The following HSD17B13 variants were observed in gnomAD, a reference collection of about 807,000 sequenced individuals.
The protein encoded by HSD17B13 is 17-beta-hydroxysteroid dehydrogenase 13.
Under a neutral mutation model 31.1 loss-of-function variants are expected in HSD17B13, and 26 were observed. The ratio of observed to expected loss-of-function variants is 0.84; its 90% CI spans 0.61 to 1.16. The LOEUF (loss-of-function observed/expected upper bound fraction) is 1.16. HSD17B13 is among the 50% of genes most tolerant of loss of function. HSD17B13 has a pLI of 0.00. For synonymous variants in HSD17B13, 141 were observed against 133.7 expected (o/e 1.05, Z -0.38); for missense variants, 374 against 366.5 (o/e 1.02, Z -0.17).
rs577892646 is a variant in HSD17B13 at position 87,311,022 on chromosome 4, T to A, written c.696-663A>T. On this transcript the variant is annotated intron_variant, in intron 5 of 6. Coordinates refer to ENST00000328546, the MANE Select transcript of HSD17B13 (RefSeq NM_178135.5). ...AAACCCACCAAAACCAAGATGGTGA[T>A]GAAAGTGACCTCTGGTTGTCCTCAC... is the stretch of plus-strand genomic sequence containing the variant. Among the ~76,000 whole-genome samples, 3 of 146,160 alleles carry A rather than the reference T, an allele frequency of 2.1e-5. No homozygotes were observed. In the South Asian group the frequency reaches 6.5e-4, roughly 31 times the overall value.
intron 6 of HSD17B13, among the ~76,000 whole-genome samples, chr4:87,307,720 C>T (rs566634821): frequency 3.9e-5 from 6 of 152,020 alleles, no homozygotes; most frequent in Non-Finnish European, 5.9e-5. Flanking sequence ...AGGCTGGTCT[C>T]GAATGCCTGA....
rs1019300507 is a variant in HSD17B13, at chr4:87,304,415, C to T, written c.*803G>A. On this transcript the variant is annotated 3_prime_UTR_variant, in exon 7 of 7. Transcript: ENST00000328546. ...TCTTATGTAATAGCCAGTACAGTTCCTTTTCCTGTGTTAGCTTTAATTTTT... is the reference window on the plus strand; with the variant it reads ...TCTTATGTAATAGCCAGTACAGTTCTTTTTCCTGTGTTAGCTTTAATTTTT... 6.6e-6 allele frequency: 1 copy of T among 152,194 alleles called. No homozygotes were observed. The highest frequency in any genetic ancestry group is 1.5e-5 in the Non-Finnish European group (1 of 68,060). 9.4% of individuals were successfully genotyped at this position (152,194 alleles called of 1,614,324 possible). A position where few individuals can be genotyped will look rare whatever the true frequency, so the allele number is the denominator to read the frequency against.
intron 6 of HSD17B13, among the ~76,000 whole-genome samples, chr4:87,309,862 A>G (rs1219694101): frequency 6.6e-6 from 1 of 152,138 alleles, no homozygotes; most frequent in Admixed American, 6.6e-5. Context: ...GATGCTCCAT[A>G]ATAATAGCTC....
intron 2 of HSD17B13, among the ~76,000 whole-genome samples, chr4:87,317,830 G>A (rs1278126845): frequency 1.3e-5 from 2 of 151,104 alleles, no homozygotes; most frequent in East Asian, 3.9e-4. Flanking sequence ...GTTATTGTAG[G>A]GATTGAATTA....
At chr4:87,321,957 A>G (rs1298379538) in intron 1 of HSD17B13, among the ~76,000 whole-genome samples, 1 of 152,188 alleles carries the variant, frequency 6.6e-6, no homozygotes, top group African/African-American at 2.4e-5. Flanking sequence ...ATGATACAAG[A>G]TTTCAGTTCC....
chr4:87,322,586 A>T, intron 1 of HSD17B13, 46 bp downstream of exon 1: 1 of 1,340,888 alleles, frequency 7.5e-7, no homozygotes, highest in South Asian at 1.2e-5. Context: ...CTTAAAATAC[A>T]TATCTTACTC....
intron 1 of HSD17B13, among the ~76,000 whole-genome samples, chr4:87,319,572 A>G (rs1734734009): frequency 6.6e-6 from 1 of 152,246 alleles, no homozygotes; most frequent in Admixed American, 6.5e-5. Context: ...GGTAAACTGT[A>G]TGCCTCTGCC....
At chr4:87,308,547 T>G (rs1223516724) in intron 6 of HSD17B13, among the ~76,000 whole-genome samples, 12 of 125,882 alleles carry the variant, frequency 9.5e-5, no homozygotes, top group South Asian at 2.7e-4. Context: ...TGGGCATGGT[T>G]GCAGGCGCCT....
intron 4 of HSD17B13, 33 bp from the exon 5 acceptor site, chr4:87,313,993 G>A (rs1285418179): frequency 6.8e-7 from 1 of 1,466,180 alleles, no homozygotes; most frequent in Non-Finnish European, 9.1e-7. Flanking sequence ...TGTTAGCTAA[G>A]GGAGAGTGAA....
intron 3 of HSD17B13, among the ~76,000 whole-genome samples, chr4:87,315,996 T>G (rs1200066562): frequency 6.6e-6 from 1 of 152,222 alleles, no homozygotes; most frequent in Non-Finnish European, 1.5e-5. Context: ...TGAAATCTTG[T>G]GTAACTGTAT....
At chr4:87,321,904 A>G (rs73839194) in intron 1 of HSD17B13, among the ~76,000 whole-genome samples, 14,943 of 152,196 alleles carry the variant, frequency 0.098, 2,393 homozygotes, top group African/African-American at 0.34. Context: ...ACTTCTCTGC[A>G]TATATTTTCA....
chr4:87,322,878 T>C lies in HSD17B13; in HGVS notation c.-37A>G. ...GTCCTCTTCCTTCTGGTTCAGTCCT[T>C]GTGTAGTCCTAGGGAGGAGGTACTG... On this transcript the variant is annotated 5_prime_UTR_variant, in exon 1 of 7. Coordinates refer to ENST00000328546, the MANE Select transcript of HSD17B13 (RefSeq NM_178135.5). 4 of 1,560,796 alleles carry C rather than the reference T, an allele frequency of 2.6e-6. No homozygotes were observed. The highest frequency in any genetic ancestry group is 2.2e-5 in the East Asian group (1 of 44,446).
At position 87,312,592 on chromosome 4, in the gene HSD17B13, C is replaced by G. The variant is rs561391745; in HGVS notation, c.695+1231G>C. 3.3e-5 allele frequency among the ~76,000 whole-genome samples: 4 copies of G among 120,724 alleles called. No individual in the cohort carries two copies. The South Asian group carries it at 8.3e-4, about 25-fold the overall frequency. The allele number at this position is 120,724 out of a possible 152,430, so 79.2% of individuals were successfully genotyped here. A position where few individuals can be genotyped will look rare whatever the true frequency, so the allele number is the denominator to read the frequency against. On this transcript the variant is annotated intron_variant, in intron 5 of 6. Transcript: ENST00000328546. ...TCGCCCAGGCTGGAGTGCAGTGGCG[C>G]GATCTCGGCTCACTGCAAGCTCCGC...
At position 87,321,349 on chromosome 4, in the gene HSD17B13, G is replaced by A. The variant is rs190628893; in HGVS notation, c.210+1283C>T. 1.6e-4 allele frequency among the ~76,000 whole-genome samples: 25 copies of A among 152,074 alleles called. No homozygotes were observed. In the East Asian group the frequency reaches 3.1e-3, roughly 19 times the overall value. ...CCCGCCCTTAAGTCATTTTTAATAC[G>A]ACTTCCTTCTAATTTACTTTTCTCT... On this transcript the variant is annotated intron_variant, in intron 1 of 6. Transcript: ENST00000328546.
At position 87,303,865 on chromosome 4, in the gene HSD17B13, T is replaced by G. The variant is rs1457357418; in HGVS notation, c.*1353A>C. ...TTAAAGCACAATGACATATTTATTTTTAGTGAATTGTTTTTGTGACTTTTA... is the reference window on the plus strand; with the variant it reads ...TTAAAGCACAATGACATATTTATTTGTAGTGAATTGTTTTTGTGACTTTTA... On this transcript the variant is annotated 3_prime_UTR_variant, in exon 7 of 7. Coordinates refer to ENST00000328546, the MANE Select transcript of HSD17B13 (RefSeq NM_178135.5). 3.4e-5 allele frequency: 2 copies of G among 58,748 alleles called. No homozygotes were observed. The allele number at this position is 58,748 out of a possible 1,614,324, so 3.6% of individuals were successfully genotyped here. A position where few individuals can be genotyped will look rare whatever the true frequency, so the allele number is the denominator to read the frequency against.
chr4:87,305,335 A>G, intron 6 of HSD17B13, 27 bp from the exon 7 acceptor site: 1 of 1,454,628 alleles, frequency 6.9e-7, no homozygotes, highest in South Asian at 1.3e-5. Context: ...AAAAAATTGA[A>G]AAATTTTCCA....
At chr4:87,322,476 T>C (rs1323320067) in intron 1 of HSD17B13, among the ~76,000 whole-genome samples, 156 bp downstream of exon 1, 1 of 152,152 alleles carries the variant, frequency 6.6e-6, no homozygotes, top group African/African-American at 2.4e-5. Flanking sequence ...ATTCCCTTCA[T>C]CTAACTAACC....
At chr4:87,320,479 C>T (rs935936088) in intron 1 of HSD17B13, among the ~76,000 whole-genome samples, 7 of 151,016 alleles carry the variant, frequency 4.6e-5, no homozygotes, top group African/African-American at 7.3e-5. Flanking sequence ...CTCCGCCTCC[C>T]GGGTTCACAC....
chr4:87,308,485 TAAAAAAAAAAAAAAAAAAAAAAAAAA>T (rs893354684), intron 6 of HSD17B13, among the ~76,000 whole-genome samples: 348 of 33,210 alleles, frequency 0.01, 13 homozygotes, highest in African/African-American at 0.019. Flanking sequence ...CCGTCTCTAC[TAAAAAAAAAAAAAAAAAAAAAAAAAA>T]AAAAAAAAAA....
Sources: allele counts gnomAD v4.1 joint callset (sites outside exome capture counted in the v4.1 genomes callset), GRCh38; gene constraint gnomAD v4.1.1; transcripts MANE v1.5; gene names NCBI Gene and HGNC (gene_info 2026-07-23, HGNC 2026-07-21).